FMNL2: variants seen among roughly 807,000 people sequenced by gnomAD.
FMNL2 encodes the protein formin like 2, also known as formin-like protein 2.
In FMNL2, 51 loss-of-function variants were observed where a neutral mutation model predicts 130.2. The observed-to-expected ratio is 0.39, with a 90% CI of 0.31 to 0.49. FMNL2 has a LOEUF of 0.49. FMNL2 is among the 20% of genes least tolerant of loss of function. The pLI is 0.85. For missense variants in FMNL2, 977 were observed against 1,316.2 expected, an observed-to-expected ratio of 0.74 and a Z score of 3.99; for synonymous variants, 465 against 467.1, an observed-to-expected ratio of 1.00 and a Z score of 0.06.
intron 1 of FMNL2, among the ~76,000 whole-genome samples, chr2:152,448,630 T>C (rs1246282670): frequency 2.0e-5 from 3 of 152,224 alleles, no homozygotes; most frequent in Non-Finnish European, 4.4e-5. Flanking sequence ...GTAAATTGAA[T>C]ACTATCTGAA....
chr2:152,640,297 T>C (rs1380767766), intron 24 of FMNL2, among the ~76,000 whole-genome samples: 2 of 152,152 alleles, frequency 1.3e-5, no homozygotes, highest in Admixed American at 6.5e-5. Context: ...TGGAACTTAG[T>C]TGGATATACA....
At chr2:152,511,524 A>G (rs1436573992) in intron 1 of FMNL2, among the ~76,000 whole-genome samples, 1 of 152,242 alleles carries the variant, frequency 6.6e-6, no homozygotes, top group Admixed American at 6.5e-5. Flanking sequence ...TTTTTAAGAC[A>G]AAAGCATAAT....
chr2:152,348,402 A>G (rs1682252977), intron 1 of FMNL2, among the ~76,000 whole-genome samples: 2 of 152,196 alleles, frequency 1.3e-5, no homozygotes. Flanking sequence ...AGCCTTGGGA[A>G]GGGTCCCAGC....
In FMNL2 at chr2:152,626,532, A is replaced by G; in HGVS notation, c.1970A>G (p.Asn657Ser). 6.2e-7 allele frequency: 1 copy of G among 1,603,728 alleles called. No individual in the cohort carries two copies. The highest frequency in any genetic ancestry group is 8.5e-7 in the Non-Finnish European group (1 of 1,174,590). Reference protein sequence around the residue: ...IDDERILEDLNVDEFEEIFKT... With the variant: ...IDDERILEDLSVDEFEEIFKT... ...CATTCCTCTCTATCTTAGGATTTAA[A>G]TGTGGATGAATTTGAGGAAATATTC... Residue 657 changes from asparagine (N) to serine (S), a missense_variant, in exon 17 of 26, where the codon AAT becomes AGT. This residue lies in a region of FMNL2 where 689 missense variants were observed against 995.9 expected (regional missense o/e 0.69). Coordinates refer to ENST00000288670, the MANE Select transcript of FMNL2 (RefSeq NM_052905.4).
In FMNL2 at chr2:152,339,741, G is replaced by A. The variant is rs554023527; in HGVS notation, c.117+4021G>A. Among the ~76,000 whole-genome samples, 28 of 152,140 alleles carry A rather than the reference G, an allele frequency of 1.8e-4. 1 individual carries two copies. The South Asian group carries it at 5.8e-3, about 32-fold the overall frequency. The stretch of plus-strand genomic sequence containing the variant: ...TCCATTTCCTTCTCATTTTTTTTCT[G>A]CATGTCCTGAGATTGAATGTGGTCA... On this transcript the variant is annotated intron_variant, in intron 1 of 25. Coordinates refer to ENST00000288670, the MANE Select transcript of FMNL2 (RefSeq NM_052905.4).
At chr2:152,589,981 A>ATATATGTATATG (rs1553482691) in intron 9 of FMNL2, among the ~76,000 whole-genome samples, 1,034 of 42,072 alleles carry the variant, frequency 0.025, 3 homozygotes, top group East Asian at 0.044. Context: ...ATATATATAT[A>ATATATGTATATG]TATGTATATG....
chr2:152,436,485 T>A (rs1002837046), intron 1 of FMNL2, among the ~76,000 whole-genome samples: 1 of 152,202 alleles, frequency 6.6e-6, no homozygotes, highest in Non-Finnish European at 1.5e-5. Context: ...TGGTATCTAC[T>A]ATAACACATC....
intron 2 of FMNL2, among the ~76,000 whole-genome samples, chr2:152,537,605 A>T (rs565632030): frequency 2.3e-3 from 346 of 152,330 alleles, no homozygotes; most frequent in African/African-American, 8.0e-3. Context: ...TTTTACATTT[A>T]AAAGTTACCC....
At chr2:152,593,910 A>T (rs62179596) in intron 9 of FMNL2, among the ~76,000 whole-genome samples, 2,747 of 144,508 alleles carry the variant, frequency 0.019, 13 homozygotes, top group Middle Eastern at 0.031. Context: ...TGTGAGAGAG[A>T]GAGAGAGAGA....
At chr2:152,566,604 T>C (rs1301846240) in intron 6 of FMNL2, among the ~76,000 whole-genome samples, 1 of 152,220 alleles carries the variant, frequency 6.6e-6, no homozygotes, top group Admixed American at 6.5e-5. Flanking sequence ...GATTATGGAC[T>C]TAGTTTGTAA....
chr2:152,498,622 A>G (rs1691643376), intron 1 of FMNL2, among the ~76,000 whole-genome samples: 3 of 152,120 alleles, frequency 2.0e-5, no homozygotes, highest in Non-Finnish European at 4.4e-5. Flanking sequence ...AACATATAAT[A>G]TTGTCACATT....
chr2:152,458,105 G>T (rs547511868), intron 1 of FMNL2, among the ~76,000 whole-genome samples: 1 of 152,308 alleles, frequency 6.6e-6, no homozygotes, highest in East Asian at 1.9e-4. Flanking sequence ...CTGGGGATTG[G>T]GATGGGTATA....
rs71394477 is a variant in FMNL2 at position 152,375,850 on chromosome 2, G to GCTCTCTCTCTCTCTCT, written c.117+40143_117+40158dup. Reference sequence around the variant, plus strand: ...AGTACTATAACATTTAGCCATTGAAGCTCTCTCTCTCTCTCTCTCTCTCTC... The same window carrying GCTCTCTCTCTCTCTCT: ...AGTACTATAACATTTAGCCATTGAAGCTCTCTCTCTCTCTCTCTCTCTCTCTCTCTCTCTCTCTCTC... On this transcript the variant is annotated intron_variant, in intron 1 of 25. Coordinates refer to ENST00000288670, the MANE Select transcript of FMNL2 (RefSeq NM_052905.4). 1.1e-4 allele frequency among the ~76,000 whole-genome samples: 11 copies of GCTCTCTCTCTCTCTCT among 100,592 alleles called. No individual in the cohort carries two copies. The East Asian group carries it at 1.5e-3, about 14-fold the overall frequency. 66.0% of individuals were successfully genotyped at this position (100,592 alleles called of 152,430 possible). A position where few individuals can be genotyped will look rare whatever the true frequency, so the allele number is the denominator to read the frequency against.
chr2:152,344,980 TA>T (rs1350701051), intron 1 of FMNL2, among the ~76,000 whole-genome samples: 1 of 152,248 alleles, frequency 6.6e-6, no homozygotes, highest in Non-Finnish European at 1.5e-5. Context: ...AGACTCTAGT[TA>T]TTTCTTTATT....
intron 23 of FMNL2, 108 bp downstream of exon 23, chr2:152,637,782 G>T (rs1682750566): frequency 1.1e-6 from 1 of 935,252 alleles, no homozygotes; most frequent in Non-Finnish European, 1.7e-6. Flanking sequence ...GTGGACAGCA[G>T]ATCTGGGTGG....
intron 9 of FMNL2, among the ~76,000 whole-genome samples, chr2:152,592,423 G>A (rs1417353419): frequency 6.6e-6 from 1 of 152,078 alleles, no homozygotes; most frequent in Non-Finnish European, 1.5e-5. Context: ...TGATGTGGGG[G>A]TCTCTCGTCA....
intron 9 of FMNL2, among the ~76,000 whole-genome samples, chr2:152,600,389 G>C (rs17328224): frequency 0.19 from 28,665 of 152,194 alleles, 3,182 homozygotes; most frequent in Non-Finnish European, 0.27. Flanking sequence ...CATCTCATAA[G>C]AGTCAGGCCT....
At chr2:152,543,405 G>T (rs1299613929) in intron 3 of FMNL2, among the ~76,000 whole-genome samples, 1 of 152,174 alleles carries the variant, frequency 6.6e-6, no homozygotes, top group Non-Finnish European at 1.5e-5. Flanking sequence ...TCGTGGTAAA[G>T]CATGTAGCCT....
intron 2 of FMNL2, among the ~76,000 whole-genome samples, chr2:152,530,774 A>G (rs1258232592): frequency 2.0e-5 from 3 of 152,332 alleles, no homozygotes; most frequent in Admixed American, 6.5e-5. Context: ...GTCATTTTCT[A>G]AAGTCATTGA....
Sources: gnomAD v4.1 joint callset for allele counts (sites outside exome capture counted in the v4.1 genomes callset) on GRCh38, gnomAD v4.1.1 for gene constraint, gnomAD v4.1.1 regional missense constraint, MANE v1.5 for transcripts, NCBI Gene and HGNC (gene_info 2026-07-23, HGNC 2026-07-21) for gene names.